The following LRRC27 variants were observed in gnomAD, a reference collection of about 807,000 sequenced individuals.
LRRC27 encodes the protein leucine rich repeat containing 27.
Under a neutral mutation model 55.0 loss-of-function variants are expected in LRRC27, and 57 were observed. That is an observed-to-expected ratio of 1.04 (90% confidence interval 0.84 to 1.29). The LOEUF (loss-of-function observed/expected upper bound fraction) is 1.29. Among genes scored for constraint, LRRC27 ranks in the 50% most tolerant of loss-of-function variants. The probability of loss-of-function intolerance (pLI) is 0.00; values close to 1 mark genes in which losing one functional copy is unlikely to be tolerated. For synonymous variants in LRRC27, 278 were observed against 251.9 expected (o/e 1.10, Z -0.98); for missense variants, 721 against 651.5 (o/e 1.11, Z -1.16).
At chr10:132,363,330 C>T (rs951611747) in intron 9 of LRRC27, among the ~76,000 whole-genome samples, 6 of 152,200 alleles carry the variant, frequency 3.9e-5, no homozygotes, top group Admixed American at 1.3e-4. Context: ...TGATTTTCTG[C>T]GTTCACAGCT....
At chr10:132,352,996 G>T in intron 7 of LRRC27, 1 of 1,612,020 alleles carries the variant, frequency 6.2e-7, no homozygotes, top group Non-Finnish European at 8.5e-7. Context: ...AGGTGTGTTG[G>T]CCGATGGACT....
rs1423843576 is a variant in LRRC27, at chr10:132,348,453, T to C, written c.926+97T>C. ...AAAACATCAGGTCCAGCTTTTAAAGTGTCCTCCACGTTGCCACCGTTTACT... is the reference window on the plus strand; with the variant it reads ...AAAACATCAGGTCCAGCTTTTAAAGCGTCCTCCACGTTGCCACCGTTTACT... On this transcript the variant is annotated intron_variant, in intron 6 of 10. Transcript: ENST00000368614. The surrounding 1 kb of genome is among the most constrained non-coding windows in gnomAD (Gnocchi z 4.2). 8 of 1,497,110 alleles carry C rather than the reference T, an allele frequency of 5.3e-6. No homozygotes were observed. The highest frequency in any genetic ancestry group is 2.1e-5 in the Admixed American group (1 of 48,580). The allele number at this position is 1,497,110 out of a possible 1,614,324, so 92.7% of individuals were successfully genotyped here.
At chr10:132,371,573 G>A (rs1432721160) in intron 10 of LRRC27, among the ~76,000 whole-genome samples, 1 of 152,192 alleles carries the variant, frequency 6.6e-6, no homozygotes, top group Non-Finnish European at 1.5e-5. Flanking sequence ...CTTGTCAGGA[G>A]GCTCCCCCTC....
At chr10:132,355,739 C>T in intron 7 of LRRC27, 51 bp from the exon 8 acceptor site, 2 of 1,360,736 alleles carry the variant, frequency 1.5e-6, no homozygotes, top group South Asian at 1.3e-5. Context: ...ATCCTGTAGC[C>T]TTGGCTCGAA....
At chr10:132,335,171 C>G (rs1033786942) in intron 2 of LRRC27, 1 of 152,238 alleles carries the variant, frequency 6.6e-6, no homozygotes, top group African/African-American at 2.4e-5. Context: ...TTTTTAATGA[C>G]GGTCTTGCAA....
intron 3 of LRRC27, among the ~76,000 whole-genome samples, chr10:132,339,986 A>G (rs1021655438): frequency 1.3e-5 from 2 of 152,246 alleles, no homozygotes; most frequent in Non-Finnish European, 2.9e-5. Context: ...ACTCGGAAAT[A>G]CAAAGTGATT....
At position 132,333,716 on chromosome 10, in the gene LRRC27, T is replaced by G. The variant is rs751979532; in HGVS notation, c.192T>G (p.Phe64Leu). Residue 64 changes from phenylalanine to leucine, a missense_variant, in exon 2 of 11, where the codon TTT becomes TTG. Phe to Leu is a conservative substitution (Grantham distance 22). Transcript: ENST00000368614. ...ESGLCRLEEVFRIPSLQQLHL... is the reference protein window; with the variant it reads ...ESGLCRLEEVLRIPSLQQLHL... Reference sequence around the variant, plus strand: ...GTCTGTGCCGTTTGGAGGAGGTCTTTAGAATCCCCAGCCTTCAAGTAAGTG... The same window carrying G: ...GTCTGTGCCGTTTGGAGGAGGTCTTGAGAATCCCCAGCCTTCAAGTAAGTG... 1 of 1,613,212 alleles carries G rather than the reference T, an allele frequency of 6.2e-7. No individual in the cohort carries two copies. Among genetic ancestry groups the G allele is most frequent in the African/African-American group, 1.3e-5 (1 of 74,930 alleles).
At chr10:132,365,778 T>C (rs2069050755) in intron 10 of LRRC27, among the ~76,000 whole-genome samples, 1 of 152,186 alleles carries the variant, frequency 6.6e-6, no homozygotes, top group African/African-American at 2.4e-5. Context: ...TTTGTATTTT[T>C]AATAGAGATA....
intron 9 of LRRC27, among the ~76,000 whole-genome samples, chr10:132,362,036 C>T (rs1416055776): frequency 6.6e-6 from 1 of 152,238 alleles, no homozygotes; most frequent in African/African-American, 2.4e-5. Context: ...CTCAGCCCTT[C>T]CCCTCATGGG....
intron 10 of LRRC27, chr10:132,366,726 G>A (rs1006481916): frequency 1.1e-5 from 8 of 719,440 alleles, no homozygotes; most frequent in Middle Eastern, 4.0e-4. Context: ...GAGCTGCATC[G>A]GGGCTGCCCC....
At chr10:132,330,443 C>A, upstream of LRRC27, 1 of 717,240 alleles carries the variant, frequency 1.4e-6, no homozygotes, top group South Asian at 1.5e-5. Context: ...GGTGGCTGGC[C>A]TCCCCACGCT....
chr10:132,337,006 T>C, intron 2 of LRRC27: 1 of 1,003,808 alleles, frequency 1.0e-6, no homozygotes, highest in East Asian at 3.2e-5. Context: ...CGCCACCGAG[T>C]TGATGTGTCA....
intron 9 of LRRC27, among the ~76,000 whole-genome samples, chr10:132,364,513 ACACT>A (rs2068887082): frequency 0.013 from 15 of 1,130 alleles, no homozygotes; most frequent in South Asian, 0.042. Context: ...ATCTACCTCC[ACACT>A]CGCACTTACA....
chr10:132,373,349 G>A (rs2069260031), intron 10 of LRRC27, among the ~76,000 whole-genome samples: 1 of 152,114 alleles, frequency 6.6e-6, no homozygotes, highest in Non-Finnish European at 1.5e-5. Flanking sequence ...GGTGCAGGAG[G>A]GCTCGTCACA....
At chr10:132,364,419 TTACAC>T in intron 9 of LRRC27, among the ~76,000 whole-genome samples, 1 of 147,568 alleles carries the variant, frequency 6.8e-6, no homozygotes, top group African/African-American at 2.6e-5. Context: ...ACACCCGCGC[TTACAC>T]CCACGCTTAC....
chr10:132,338,265 G>A (rs1184292790), intron 3 of LRRC27, among the ~76,000 whole-genome samples: 1 of 152,228 alleles, frequency 6.6e-6, no homozygotes. Context: ...GCAGTGAGCT[G>A]AGATCACACC....
Position 132,348,207 on chromosome 10 carries a change from C to T in LRRC27, c.777C>T (p.Ile259=). 6.2e-7 allele frequency: 1 copy of T among 1,614,042 alleles called. No individual in the cohort carries two copies. Among genetic ancestry groups the T allele is most frequent in the Non-Finnish European group, 8.5e-7 (1 of 1,180,046 alleles). Residue 259 remains isoleucine, a synonymous_variant, in exon 6 of 11, where the codon ATC becomes ATT. Transcript: ENST00000368614. This position sits in a 1 kb window ranked among gnomAD's most constrained non-coding sequence, Gnocchi z 4.2. ...AGAACTGGCCCAGCGAGGAGGAGATCAGGCGCTTTTGGAAGCTGAGGCAGG... is the reference window on the plus strand; with the variant it reads ...AGAACTGGCCCAGCGAGGAGGAGATTAGGCGCTTTTGGAAGCTGAGGCAGG... ...SSENWPSEEE[I]RRFWKLRQEI...
At position 132,352,124 on chromosome 10, in the gene LRRC27, C is replaced by T. The variant is rs367961544; in HGVS notation, c.1073+371C>T. On this transcript the variant is annotated intron_variant, in intron 7 of 10. Coordinates refer to ENST00000368614, the MANE Select transcript of LRRC27 (RefSeq NM_030626.3). ...TGCTGAGGCCTCCGTGTGGGGCAGG[C>T]GCTGAGGCCTCCGTGTGGGGCAGGC... Among the ~76,000 whole-genome samples, 156 of 45,270 alleles carry T rather than the reference C, an allele frequency of 3.4e-3. 1 individual carries two copies. Among genetic ancestry groups the T allele is most frequent in the Non-Finnish European group, 4.4e-3 (106 of 24,068 alleles). The allele number at this position is 45,270 out of a possible 152,430, so 29.7% of individuals were successfully genotyped here. A position where few individuals can be genotyped will look rare whatever the true frequency, so the allele number is the denominator to read the frequency against.
At chr10:132,373,509 C>T (rs955342048) in intron 10 of LRRC27, among the ~76,000 whole-genome samples, 4 of 152,116 alleles carry the variant, frequency 2.6e-5, no homozygotes, top group East Asian at 3.9e-4. Context: ...GGGAGCTGGT[C>T]GCGGTGATGG....
Sources: allele counts gnomAD v4.1 joint callset (sites outside exome capture counted in the v4.1 genomes callset), GRCh38; gene constraint gnomAD v4.1.1; non-coding constraint Gnocchi (gnomAD v3.1); transcripts MANE v1.5; gene names NCBI Gene and HGNC (gene_info 2026-07-23, HGNC 2026-07-21).